Variants in SOX21 observed in about 807,000 individuals in gnomAD.
The protein encoded by SOX21 is SRY-box transcription factor 21.
For missense variants in SOX21, 370 were observed against 388.8 expected (o/e 0.95, Z 0.41); for synonymous variants, 237 against 189.7 (o/e 1.25, Z -2.05).
rs753833082 is a variant in SOX21, at chr13:94,711,688, G to C, written c.362C>G (p.Ala121Gly). ...LKAGAGLHAG[A>G]GGGLVPESLL... ...CGACTCAGGCACCAGGCCGCCGCCC[G>C]CCCCCGCGTGCAGCCCGGCGCCCGC... The change falls in exon 1 of 1, where the codon GCG becomes GGG. Residue 121 changes from alanine to glycine, a missense_variant. Ala to Gly is a moderately conservative substitution (Grantham distance 60). Transcript: ENST00000376945. 1 of 1,470,994 alleles carries C rather than the reference G, an allele frequency of 6.8e-7. No homozygotes were observed. The highest frequency in any genetic ancestry group is 3.0e-5 in the East Asian group (1 of 33,470). The allele number at this position is 1,470,994 out of a possible 1,614,324, so 91.1% of individuals were successfully genotyped here. A position where few individuals can be genotyped will look rare whatever the true frequency, so the allele number is the denominator to read the frequency against.
Position 94,711,882 on chromosome 13 carries a change from C to T in SOX21, c.168G>A (p.Pro56=), listed in dbSNP as rs755442630. The change falls in exon 1 of 1, where the codon CCG becomes CCA. Residue 56 remains proline (P), a synonymous_variant. Coordinates refer to ENST00000376945, the MANE Select transcript of SOX21 (RefSeq NM_007084.4). The part of the protein sequence containing the change: ...WKLLTESEKR[P]FIDEAKRLRA... ...GTAGACGCTTGGCCTCGTCGATGAACGGCCGCTTCTCCGACTCTGTGAGCA... is the reference window on the plus strand; with the variant it reads ...GTAGACGCTTGGCCTCGTCGATGAATGGCCGCTTCTCCGACTCTGTGAGCA... 6.2e-7 allele frequency: 1 copy of T among 1,613,884 alleles called. No homozygotes were observed. Among genetic ancestry groups the T allele is most frequent in the African/African-American group, 1.3e-5 (1 of 74,926 alleles).
In SOX21 at chr13:94,709,738, G is replaced by C. The variant is rs933301497; in HGVS notation, c.*1481C>G. Reference sequence around the variant, plus strand: ...TTAGACGTCTAATATTAAATTAGAAGGTCACACTAGAAAATCATTTACACA... The same window carrying C: ...TTAGACGTCTAATATTAAATTAGAACGTCACACTAGAAAATCATTTACACA... On this transcript the variant is annotated 3_prime_UTR_variant, in exon 1 of 1. Coordinates refer to ENST00000376945, the MANE Select transcript of SOX21 (RefSeq NM_007084.4). The C allele has an allele frequency of 2.0e-5, 3 of 152,446 alleles. No homozygotes were observed. Among genetic ancestry groups the C allele is most frequent in the Non-Finnish European group, 4.4e-5 (3 of 68,008 alleles). The allele number at this position is 152,446 out of a possible 1,614,324, so 9.4% of individuals were successfully genotyped here.
chr13:94,712,008 G>A lies in SOX21; in HGVS notation c.42C>T (p.Ala14=), dbSNP rs1594516149. The A allele has an allele frequency of 6.2e-7, 1 of 1,613,988 alleles. No homozygotes were observed. The highest frequency in any genetic ancestry group is 2.2e-5 in the East Asian group (1 of 44,822). ...GCTGAGCCCGCGACCACACCATGAA[G>A]GCGTTCATGGGCCGCTTGACGTGGT... ...PVDHVKRPMN[A]FMVWSRAQRR... The change falls in exon 1 of 1, where the codon GCC becomes GCT. Residue 14 remains alanine (A), a synonymous_variant. Transcript: ENST00000376945. The surrounding 1 kb of genome is among the most constrained non-coding windows in gnomAD (Gnocchi z 5.0).
rs1875268288 is a variant in SOX21, at chr13:94,711,854, C to A, written c.196G>T (p.Ala66Ser). 1.9e-6 allele frequency: 3 copies of A among 1,613,956 alleles called. No individual in the cohort carries two copies. The highest frequency in any genetic ancestry group is 2.5e-6 in the Non-Finnish European group (3 of 1,179,942). ...PFIDEAKRLR[A>S]MHMKEHPDYK... ...TCGGGGTGCTCCTTCATGTGCATGG[C>A]GCGTAGACGCTTGGCCTCGTCGATG... The change falls in exon 1 of 1, where the codon GCC becomes TCC. Residue 66 changes from alanine to serine, a missense_variant. Transcript: ENST00000376945.
Position 94,710,823 on chromosome 13 carries a change from A to C in SOX21, c.*396T>G. ...GAGGGGCGAGGAAGAAGAATGAGAA[A>C]CAAAAACAAAACCGACCATGAAACT... is the stretch of plus-strand genomic sequence containing the variant. On this transcript the variant is annotated 3_prime_UTR_variant, in exon 1 of 1. Coordinates refer to ENST00000376945, the MANE Select transcript of SOX21 (RefSeq NM_007084.4). The C allele has an allele frequency of 6.3e-6, 1 of 159,398 alleles. No homozygotes were observed. The highest frequency in any genetic ancestry group is 1.4e-5 in the Non-Finnish European group (1 of 72,700). The allele number at this position is 159,398 out of a possible 1,614,324, so 9.9% of individuals were successfully genotyped here.
Position 94,711,477 on chromosome 13 carries a change from G to A in SOX21, c.573C>T (p.Tyr191=). ...EISSSSSGLP[Y]ASSLGYPTAG... The stretch of plus-strand genomic sequence containing the variant: ...CGGTCGGGTAGCCCAGCGACGACGC[G>A]TACGGGAGGCCGGACGAGGACGACG... Residue 191 remains tyrosine, a synonymous_variant, in exon 1 of 1, where the codon TAC becomes TAT. Coordinates refer to ENST00000376945, the MANE Select transcript of SOX21 (RefSeq NM_007084.4). 2 of 1,034,222 alleles carry A rather than the reference G, an allele frequency of 1.9e-6. No homozygotes were observed. Among genetic ancestry groups the A allele is most frequent in the South Asian group, 4.2e-5 (1 of 23,990 alleles). The allele number at this position is 1,034,222 out of a possible 1,614,324, so 64.1% of individuals were successfully genotyped here. A position where few individuals can be genotyped will look rare whatever the true frequency, so the allele number is the denominator to read the frequency against.
chr13:94,712,140 G>A lies in SOX21; in HGVS notation c.-91C>T. On this transcript the variant is annotated 5_prime_UTR_variant, in exon 1 of 1. Coordinates refer to ENST00000376945, the MANE Select transcript of SOX21 (RefSeq NM_007084.4). This position sits in a 1 kb window ranked among gnomAD's most constrained non-coding sequence, Gnocchi z 5.0. ...CAATGTTGGCTGCCCGCGGAGACCC[G>A]CTCGGCCGGCCGGGGCTCGTCGCGC... The A allele has an allele frequency of 1.4e-6, 2 of 1,462,242 alleles. No homozygotes were observed. Among genetic ancestry groups the A allele is most frequent in the South Asian group, 1.4e-5 (1 of 71,576 alleles). The allele number at this position is 1,462,242 out of a possible 1,614,324, so 90.6% of individuals were successfully genotyped here. A position where few individuals can be genotyped will look rare whatever the true frequency, so the allele number is the denominator to read the frequency against.
In SOX21 at chr13:94,711,142, AC is replaced by A; in HGVS notation, c.*76del. On this transcript the variant is annotated 3_prime_UTR_variant, in exon 1 of 1. Transcript: ENST00000376945. ...CGGGCCCCCGGTCGCGGGAGGGCGC[AC>A]GGGGAGGCCGCAGCGCTCGTACCTA... 8.3e-7 allele frequency: 1 copy of A among 1,205,520 alleles called. No individual in the cohort carries two copies. The highest frequency in any genetic ancestry group is 1.6e-5 in the African/African-American group (1 of 63,660). 74.7% of individuals were successfully genotyped at this position (1,205,520 alleles called of 1,614,324 possible).
chr13:94,712,144 G>C lies in SOX21; in HGVS notation c.-95C>G. On this transcript the variant is annotated 5_prime_UTR_variant, in exon 1 of 1. Transcript: ENST00000376945. This position sits in a 1 kb window ranked among gnomAD's most constrained non-coding sequence, Gnocchi z 5.0. ...GTTGGCTGCCCGCGGAGACCCGCTC[G>C]GCCGGCCGGGGCTCGTCGCGCCCCG... 1 of 1,439,294 alleles carries C rather than the reference G, an allele frequency of 6.9e-7. No individual in the cohort carries two copies. Among genetic ancestry groups the C allele is most frequent in the East Asian group, 2.8e-5 (1 of 35,550 alleles). 89.2% of individuals were successfully genotyped at this position (1,439,294 alleles called of 1,614,324 possible).
chr13:94,711,428 C>A lies in SOX21; in HGVS notation c.622G>T (p.Ala208Ser), dbSNP rs1323368722. 3 of 976,662 alleles carry A rather than the reference C, an allele frequency of 3.1e-6. No individual in the cohort carries two copies. The highest frequency in any genetic ancestry group is 1.8e-5 in the African/African-American group (1 of 56,072). 60.5% of individuals were successfully genotyped at this position (976,662 alleles called of 1,614,324 possible). ...PTAGAGAFHG[A>S]AAAAAAAAAA... ...GCCGCCGCTGCAGCCGCCGCCGCCG[C>A]GCCGTGGAAGGCGCCCGCGCCCGCG... Residue 208 changes from alanine to serine, a missense_variant, in exon 1 of 1, where the codon GCG becomes TCG. Transcript: ENST00000376945.
chr13:94,712,146 C>A lies in SOX21; in HGVS notation c.-97G>T. On this transcript the variant is annotated 5_prime_UTR_variant, in exon 1 of 1. Coordinates refer to ENST00000376945, the MANE Select transcript of SOX21 (RefSeq NM_007084.4). This position sits in a 1 kb window ranked among gnomAD's most constrained non-coding sequence, Gnocchi z 5.0. ...TGGCTGCCCGCGGAGACCCGCTCGG[C>A]CGGCCGGGGCTCGTCGCGCCCCGGC... The A allele has an allele frequency of 7.0e-7, 1 of 1,438,770 alleles. No individual in the cohort carries two copies. Among genetic ancestry groups the A allele is most frequent in the Non-Finnish European group, 9.1e-7 (1 of 1,102,650 alleles). The allele number at this position is 1,438,770 out of a possible 1,614,324, so 89.1% of individuals were successfully genotyped here.
Position 94,711,391 on chromosome 13 carries a change from C to CGG in SOX21, c.658_659insCC (p.Gly220AlafsTer17). On this transcript the variant is annotated frameshift_variant, in exon 1 of 1. Coordinates refer to ENST00000376945, the MANE Select transcript of SOX21 (RefSeq NM_007084.4). LOFTEE classifies it high-confidence loss of function. ...GCTGGGGTGCGAGTGCGTGTGCCCC[C>CGG]CGGCGGCGGCGGCCGCCGCTGCAGC... The CGG allele has an allele frequency of 8.1e-7, 1 of 1,230,244 alleles. No individual in the cohort carries two copies. Among genetic ancestry groups the CGG allele is most frequent in the Non-Finnish European group, 1.0e-6 (1 of 986,256 alleles). The allele number at this position is 1,230,244 out of a possible 1,614,324, so 76.2% of individuals were successfully genotyped here.
In SOX21 at chr13:94,712,267, G is replaced by A. The variant is rs1020611168; in HGVS notation, c.-218C>T. 3.3e-6 allele frequency: 4 copies of A among 1,214,172 alleles called. No individual in the cohort carries two copies. The Admixed American group carries it at 1.4e-4, about 42-fold the overall frequency. 75.2% of individuals were successfully genotyped at this position (1,214,172 alleles called of 1,614,324 possible). ...TGTCTCCGGCCGAGCGCTCGAGCAGGTTGTCTCTGGGACACTCTAACTTCT... is the reference window on the plus strand; with the variant it reads ...TGTCTCCGGCCGAGCGCTCGAGCAGATTGTCTCTGGGACACTCTAACTTCT... On this transcript the variant is annotated 5_prime_UTR_variant, in exon 1 of 1. Transcript: ENST00000376945. This position sits in a 1 kb window ranked among gnomAD's most constrained non-coding sequence, Gnocchi z 5.0.
rs1007887532 is a variant in SOX21, at chr13:94,710,675, G to T, written c.*544C>A. 1.3e-5 allele frequency: 2 copies of T among 150,764 alleles called. No individual in the cohort carries two copies. The highest frequency in any genetic ancestry group is 2.4e-5 in the African/African-American group (1 of 40,912). 9.3% of individuals were successfully genotyped at this position (150,764 alleles called of 1,614,324 possible). On this transcript the variant is annotated 3_prime_UTR_variant, in exon 1 of 1. Transcript: ENST00000376945. ...AAACAGGGAGGCGAGGCTGCTCAGA[G>T]CCATCCCACTCCCAGAAACGAATGA...
At position 94,711,467 on chromosome 13, in the gene SOX21, G is replaced by A; in HGVS notation, c.583C>T (p.Leu195=). ...CCCGCGCCCGCGGTCGGGTAGCCCA[G>A]CGACGACGCGTACGGGAGGCCGGAC... ...SSSGLPYASS[L]GYPTAGAGAF... The change falls in exon 1 of 1, where the codon CTG becomes TTG. Residue 195 remains leucine, a synonymous_variant. Coordinates refer to ENST00000376945, the MANE Select transcript of SOX21 (RefSeq NM_007084.4). 9.6e-7 allele frequency: 1 copy of A among 1,043,108 alleles called. No homozygotes were observed. The highest frequency in any genetic ancestry group is 1.7e-5 in the African/African-American group (1 of 58,144). The allele number at this position is 1,043,108 out of a possible 1,614,324, so 64.6% of individuals were successfully genotyped here.
In SOX21 at chr13:94,712,214, G is replaced by A. The variant is rs1024362567; in HGVS notation, c.-165C>T. ...GGAGGGGGCTGGGGGACCAGCCCAG[G>A]GCCACGCCGCGCCCCGGGCCGCCTT... On this transcript the variant is annotated 5_prime_UTR_variant, in exon 1 of 1. Coordinates refer to ENST00000376945, the MANE Select transcript of SOX21 (RefSeq NM_007084.4). This position sits in a 1 kb window ranked among gnomAD's most constrained non-coding sequence, Gnocchi z 5.0. 1.3e-4 allele frequency: 159 copies of A among 1,267,120 alleles called. No individual in the cohort carries two copies. Among genetic ancestry groups the A allele is most frequent in the Non-Finnish European group, 1.5e-4 (156 of 1,011,490 alleles). 78.5% of individuals were successfully genotyped at this position (1,267,120 alleles called of 1,614,324 possible).
rs1244660594 is a variant in SOX21 at position 94,711,029 on chromosome 13, G to T, written c.*190C>A. On this transcript the variant is annotated 3_prime_UTR_variant, in exon 1 of 1. Coordinates refer to ENST00000376945, the MANE Select transcript of SOX21 (RefSeq NM_007084.4). ...ATCCTGCGAATTCACAGGCCTGCTC[G>T]CCCGCGCCCTTGCGCGCTTGGCCAC... 8 of 469,348 alleles carry T rather than the reference G, an allele frequency of 1.7e-5. No homozygotes were observed. The highest frequency in any genetic ancestry group is 2.7e-5 in the Non-Finnish European group (8 of 293,374). The allele number at this position is 469,348 out of a possible 1,614,324, so 29.1% of individuals were successfully genotyped here.
rs1301749195 is a variant in SOX21, at chr13:94,711,440, C to G, written c.610G>C (p.Ala204Pro). ...GCCGCCGCCGCCGCGCCGTGGAAGG[C>G]GCCCGCGCCCGCGGTCGGGTAGCCC... Reference protein sequence around the residue: ...SLGYPTAGAGAFHGAAAAAAA... With the variant: ...SLGYPTAGAGPFHGAAAAAAA... The change falls in exon 1 of 1, where the codon GCC (alanine) becomes CCC (proline). Residue 204 changes from alanine (A) to proline (P), a missense_variant. Coordinates refer to ENST00000376945, the MANE Select transcript of SOX21 (RefSeq NM_007084.4). 8.9e-7 allele frequency: 1 copy of G among 1,126,206 alleles called. No individual in the cohort carries two copies. The highest frequency in any genetic ancestry group is 1.1e-6 in the Non-Finnish European group (1 of 916,312). 69.8% of individuals were successfully genotyped at this position (1,126,206 alleles called of 1,614,324 possible).
Position 94,711,142 on chromosome 13 carries a change from A to G in SOX21, c.*77T>C. The stretch of plus-strand genomic sequence containing the variant: ...CGGGCCCCCGGTCGCGGGAGGGCGC[A>G]CGGGGAGGCCGCAGCGCTCGTACCT... On this transcript the variant is annotated 3_prime_UTR_variant, in exon 1 of 1. Transcript: ENST00000376945. 1 of 1,205,522 alleles carries G rather than the reference A, an allele frequency of 8.3e-7. No homozygotes were observed. 74.7% of individuals were successfully genotyped at this position (1,205,522 alleles called of 1,614,324 possible). A position where few individuals can be genotyped will look rare whatever the true frequency, so the allele number is the denominator to read the frequency against.
Sources: allele counts gnomAD v4.1 joint callset, GRCh38; gene constraint gnomAD v4.1.1; non-coding constraint Gnocchi (gnomAD v3.1); transcripts MANE v1.5; gene names NCBI Gene and HGNC (gene_info 2026-07-23, HGNC 2026-07-21).